Variants in GSK3B observed in about 807,000 individuals in gnomAD.
GSK3B encodes the protein glycogen synthase kinase 3 beta.
GSK3B carries 15 observed loss-of-function variants against 56.4 expected under a neutral mutation model. The observed-to-expected ratio is 0.27, with a 90% CI of 0.18 to 0.41. The LOEUF (loss-of-function observed/expected upper bound fraction) is 0.41. Ranked by LOEUF, GSK3B falls within the 10% of genes least tolerant of loss-of-function variation. GSK3B has a pLI of 1.00. For missense variants in GSK3B, 300 were observed against 513.4 expected (o/e 0.58, Z 4.02); for synonymous variants, 181 against 188.9 (o/e 0.96, Z 0.34).
chr3:120,016,922 T>C (rs2057832703), intron 1 of GSK3B, among the ~76,000 whole-genome samples: 6 of 152,252 alleles, frequency 3.9e-5, no homozygotes, highest in Admixed American at 3.9e-4. Context: ...TCACTTGGTC[T>C]TAACTCCTCA....
chr3:119,928,701 A>G (rs1198211828), intron 3 of GSK3B, among the ~76,000 whole-genome samples: 1 of 151,608 alleles, frequency 6.6e-6, no homozygotes, highest in East Asian at 1.9e-4. Flanking sequence ...GGACAAAGAC[A>G]AACTATATAG....
intron 1 of GSK3B, among the ~76,000 whole-genome samples, chr3:120,049,531 A>C (rs774751161): frequency 2.6e-5 from 4 of 152,244 alleles, no homozygotes; most frequent in Non-Finnish European, 5.9e-5. Context: ...CATTTAAGGC[A>C]GAGGTAAAAG....
chr3:119,912,260 A>C (rs2056741757), intron 6 of GSK3B, among the ~76,000 whole-genome samples: 1 of 152,154 alleles, frequency 6.6e-6, no homozygotes. Flanking sequence ...CCGATCGATT[A>C]AGTTTGCTGT....
chr3:120,077,658 GGA>G (rs2058378795), intron 1 of GSK3B, among the ~76,000 whole-genome samples: 1 of 151,584 alleles, frequency 6.6e-6, no homozygotes, highest in South Asian at 2.1e-4. Flanking sequence ...TAGGGGCGAG[GGA>G]GAGGGGGTGG....
At chr3:120,086,987 G>C (rs1477047251) in intron 1 of GSK3B, among the ~76,000 whole-genome samples, 2 of 152,028 alleles carry the variant, frequency 1.3e-5, no homozygotes, top group African/African-American at 4.8e-5. Context: ...CCTGATCTGT[G>C]ATTTCAAAAA....
At chr3:120,087,586 G>A (rs2058475517) in intron 1 of GSK3B, among the ~76,000 whole-genome samples, 1 of 151,708 alleles carries the variant, frequency 6.6e-6, no homozygotes, top group South Asian at 2.1e-4. Context: ...TAAGAATCAA[G>A]AAATTAACCT....
At chr3:119,948,307 T>C (rs2107492974) in intron 2 of GSK3B, among the ~76,000 whole-genome samples, 1 of 152,248 alleles carries the variant, frequency 6.6e-6, no homozygotes, top group East Asian at 1.9e-4. Context: ...TGAGGATGCG[T>C]TGGGACCAAA....
chr3:119,921,611 G>A (rs1054814385), intron 4 of GSK3B, among the ~76,000 whole-genome samples: 2 of 152,104 alleles, frequency 1.3e-5, no homozygotes, highest in South Asian at 2.1e-4. Flanking sequence ...CAAATGATCC[G>A]GTTTCTTTAG....
intron 5 of GSK3B, among the ~76,000 whole-genome samples, chr3:119,913,766 A>G (rs930765358): frequency 1.3e-5 from 2 of 152,168 alleles, no homozygotes; most frequent in African/African-American, 4.8e-5. Context: ...TTTCTAGTCA[A>G]TGATGACTCT....
intron 1 of GSK3B, among the ~76,000 whole-genome samples, chr3:120,051,407 C>T (rs1402947995): frequency 6.6e-6 from 1 of 152,134 alleles, no homozygotes; most frequent in Admixed American, 6.6e-5. Context: ...AGCACAGCCA[C>T]TCAGTAGACT....
chr3:119,855,771 T>C (rs377451921), intron 9 of GSK3B, among the ~76,000 whole-genome samples: 11 of 152,098 alleles, frequency 7.2e-5, no homozygotes, highest in South Asian at 2.1e-4. Flanking sequence ...CAGATGGGAA[T>C]TGACCAATGA....
intron 10 of GSK3B, among the ~76,000 whole-genome samples, chr3:119,834,088 G>T (rs1296187095): frequency 6.6e-6 from 1 of 151,950 alleles, no homozygotes; most frequent in Admixed American, 6.6e-5. Context: ...TACTTATCAG[G>T]TATCCTCTTT....
At chr3:119,835,215 A>G (rs1412624343) in intron 10 of GSK3B, among the ~76,000 whole-genome samples, 1 of 152,260 alleles carries the variant, frequency 6.6e-6, no homozygotes, top group Non-Finnish European at 1.5e-5. Context: ...CAATGGGGAA[A>G]TAGAAAAGTA....
intron 7 of GSK3B, among the ~76,000 whole-genome samples, chr3:119,881,815 T>G (rs2056381980): frequency 6.6e-6 from 1 of 152,228 alleles, no homozygotes; most frequent in Admixed American, 6.5e-5. Context: ...GGGAGATAAC[T>G]GAATCACGGC....
intron 3 of GSK3B, 79 bp downstream of exon 3, chr3:119,947,189 A>G (rs2057108960): frequency 9.3e-6 from 8 of 863,248 alleles, no homozygotes; most frequent in Admixed American, 1.9e-5. Context: ...AAAACTGTCT[A>G]TGAGCGGTGG....
chr3:119,949,022 A>G (rs1321741528), intron 2 of GSK3B, among the ~76,000 whole-genome samples: 1 of 152,154 alleles, frequency 6.6e-6, no homozygotes, highest in Non-Finnish European at 1.5e-5. Context: ...GTTAATTCAC[A>G]TTTAGGTAGC....
chr3:119,877,913 G>A (rs568783036), intron 7 of GSK3B, among the ~76,000 whole-genome samples: 4 of 152,190 alleles, frequency 2.6e-5, no homozygotes, highest in South Asian at 2.1e-4. Flanking sequence ...TTATAAGACC[G>A]TGTATAAATC....
Position 119,972,731 on chromosome 3 carries a change from A to T in GSK3B, c.283-25380T>A, listed in dbSNP as rs534006764. On this transcript the variant is annotated intron_variant, in intron 2 of 10. Coordinates refer to ENST00000264235, the MANE Select transcript of GSK3B (RefSeq NM_001146156.2). Reference sequence around the variant, plus strand: ...ATTACAGGTGTGAGCCACCGCGCCCACCTATTTTTTTCTTTTTACTGTTCT... The same window carrying T: ...ATTACAGGTGTGAGCCACCGCGCCCTCCTATTTTTTTCTTTTTACTGTTCT... 2.6e-5 allele frequency among the ~76,000 whole-genome samples: 4 copies of T among 152,112 alleles called. No homozygotes were observed. In the East Asian group the frequency reaches 7.7e-4, roughly 29 times the overall value.
chr3:119,847,231 T>C (rs977392641), intron 9 of GSK3B, among the ~76,000 whole-genome samples: 9 of 152,096 alleles, frequency 5.9e-5, no homozygotes, highest in African/African-American at 2.2e-4. Flanking sequence ...GGCACATGTA[T>C]ACCTATGTAA....
Sources: allele counts gnomAD v4.1 joint callset (sites outside exome capture counted in the v4.1 genomes callset), GRCh38; gene constraint gnomAD v4.1.1; transcripts MANE v1.5; gene names NCBI Gene and HGNC (gene_info 2026-07-23, HGNC 2026-07-21).